Variants in RSPO2 observed in about 807,000 individuals in gnomAD.
The protein encoded by RSPO2 is R-spondin-2.
In RSPO2, 14 loss-of-function variants were observed where a neutral mutation model predicts 30.9. That is an observed-to-expected ratio of 0.45 (90% CI 0.30 to 0.71). RSPO2 has a LOEUF of 0.71. Among genes scored for constraint, RSPO2 ranks in the 30% least tolerant of loss-of-function variants. The pLI is 0.08. For synonymous variants in RSPO2, 107 were observed against 96.4 expected (o/e 1.11, Z -0.64); for missense variants, 264 against 301.9 (o/e 0.87, Z 0.93).
intron 2 of RSPO2, among the ~76,000 whole-genome samples, chr8:108,053,670 T>C (rs1218382370): frequency 1.3e-5 from 2 of 152,222 alleles, no homozygotes; most frequent in African/African-American, 4.8e-5. Flanking sequence ...CATGTAACTA[T>C]AAAAATGATT....
At chr8:107,942,013 T>A (rs1187395151) in intron 5 of RSPO2, among the ~76,000 whole-genome samples, 1 of 152,166 alleles carries the variant, frequency 6.6e-6, no homozygotes. Context: ...AGAGGGGGGA[T>A]GTTCTGTGCC....
chr8:107,936,620 T>C (rs1193300447), intron 5 of RSPO2, among the ~76,000 whole-genome samples: 2 of 152,188 alleles, frequency 1.3e-5, no homozygotes, highest in Non-Finnish European at 2.9e-5. Flanking sequence ...CTCACCAGCA[T>C]CTGTTATTGT....
At chr8:107,968,318 A>G (rs1477602139) in intron 3 of RSPO2, among the ~76,000 whole-genome samples, 1 of 152,106 alleles carries the variant, frequency 6.6e-6, no homozygotes, top group Admixed American at 6.6e-5. Context: ...GAACTGGGGG[A>G]CATTATGTTA....
chr8:107,965,216 T>G (rs2130453982), intron 3 of RSPO2, among the ~76,000 whole-genome samples: 1 of 152,302 alleles, frequency 6.6e-6, no homozygotes, highest in African/African-American at 2.4e-5. Context: ...TCCTCAAAAA[T>G]GTAACCCACC....
intron 2 of RSPO2, among the ~76,000 whole-genome samples, chr8:108,003,301 ATATATATATATTTTTT>A (rs1815330275): frequency 8.1e-5 from 2 of 24,624 alleles, no homozygotes; most frequent in African/African-American, 3.0e-4. Context: ...ATATATATAT[ATATATATATATTTTTT>A]TTTTTTTTTT....
At chr8:107,989,728 A>T (rs1049965491) in intron 2 of RSPO2, among the ~76,000 whole-genome samples, 20 of 152,234 alleles carry the variant, frequency 1.3e-4, no homozygotes, top group African/African-American at 4.8e-4. Flanking sequence ...CAGAACACCA[A>T]GTCCACAAGG....
At chr8:107,967,754 A>T (rs574995895) in intron 3 of RSPO2, among the ~76,000 whole-genome samples, 3 of 152,276 alleles carry the variant, frequency 2.0e-5, no homozygotes, top group African/African-American at 7.2e-5. Context: ...AGAACAGGAC[A>T]CTTAGAATAA....
chr8:107,985,070 C>T (rs1373364243), intron 3 of RSPO2, among the ~76,000 whole-genome samples: 3 of 152,086 alleles, frequency 2.0e-5, no homozygotes, highest in African/African-American at 4.8e-5. Context: ...GGTAAACATC[C>T]TATAATGCCA....
intron 5 of RSPO2, among the ~76,000 whole-genome samples, chr8:107,916,460 G>T (rs1811986563): frequency 6.6e-6 from 1 of 152,176 alleles, no homozygotes; most frequent in African/African-American, 2.4e-5. Flanking sequence ...GAAAATAAAG[G>T]TTGCTAACAG....
chr8:107,989,072 A>G lies in RSPO2; in HGVS notation c.267T>C (p.Asp89=), dbSNP rs374497297. 3 of 1,608,014 alleles carry G rather than the reference A, an allele frequency of 1.9e-6. No individual in the cohort carries two copies. Among genetic ancestry groups the G allele is most frequent in the African/African-American group, 1.3e-5 (1 of 74,640 alleles). The change falls in exon 3 of 6, where the codon GAT becomes GAC. Residue 89 remains aspartate (D), a synonymous_variant. Coordinates refer to ENST00000276659, the MANE Select transcript of RSPO2 (RefSeq NM_178565.5). ...AATGCTCACTTGCACATCTGTTCAT[A>G]TCTGGGGCTCGGTGTCCATAGTACC... ...PSGYYGHRAP[D]MNRCARCRIE...
chr8:107,928,271 T>C (rs972683186), intron 5 of RSPO2, among the ~76,000 whole-genome samples: 1 of 152,204 alleles, frequency 6.6e-6, no homozygotes, highest in African/African-American at 2.4e-5. Flanking sequence ...TATTAGATCA[T>C]CCTTTACCCT....
intron 5 of RSPO2, among the ~76,000 whole-genome samples, chr8:107,956,579 G>C (rs998378015): frequency 6.6e-6 from 1 of 152,160 alleles, no homozygotes; most frequent in African/African-American, 2.4e-5. Context: ...ACTGTGGCTA[G>C]GTCAAAATAA....
At position 107,900,792 on chromosome 8, in the gene RSPO2, T is replaced by A. The variant is rs1396201266; in HGVS notation, c.*283A>T. The A allele has an allele frequency of 6.5e-6, 2 of 305,940 alleles. No individual in the cohort carries two copies. The highest frequency in any genetic ancestry group is 6.0e-6 in the Non-Finnish European group (1 of 167,084). The allele number at this position is 305,940 out of a possible 1,614,324, so 19.0% of individuals were successfully genotyped here. The stretch of plus-strand genomic sequence containing the variant: ...CGTCCTCCAGCGGTGTTCTGCAGCC[T>A]CACACCTCTAGCATGTCCATGGTGC... On this transcript the variant is annotated 3_prime_UTR_variant, in exon 6 of 6. Transcript: ENST00000276659.
At chr8:107,918,856 A>C (rs1255393304) in intron 5 of RSPO2, among the ~76,000 whole-genome samples, 1 of 152,126 alleles carries the variant, frequency 6.6e-6, no homozygotes, top group East Asian at 1.9e-4. Context: ...GAGAGAAAAA[A>C]ATATACTTCA....
chr8:107,923,606 G>C (rs575520414), intron 5 of RSPO2, among the ~76,000 whole-genome samples: 41 of 152,186 alleles, frequency 2.7e-4, no homozygotes, highest in Admixed American at 9.2e-4. Context: ...TCATCATAAA[G>C]ACACATGCAC....
chr8:107,947,036 C>T (rs76994093), intron 5 of RSPO2, among the ~76,000 whole-genome samples: 2 of 152,350 alleles, frequency 1.3e-5, no homozygotes, highest in Non-Finnish European at 2.9e-5. Flanking sequence ...AAATACATTG[C>T]TTCTCACTTC....
intron 2 of RSPO2, among the ~76,000 whole-genome samples, chr8:108,080,381 C>T (rs554666177): frequency 1.8e-4 from 27 of 152,106 alleles, no homozygotes; most frequent in Non-Finnish European, 1.8e-4. Context: ...TACCAATTTA[C>T]ACGTTCTTGA....
chr8:108,023,772 G>T (rs1443996813), intron 2 of RSPO2, among the ~76,000 whole-genome samples: 2 of 152,160 alleles, frequency 1.3e-5, no homozygotes. Flanking sequence ...GACAATAAAA[G>T]AGCAAGTATT....
intron 2 of RSPO2, 62 bp downstream of exon 2, chr8:108,082,483 G>GT: frequency 7.5e-7 from 1 of 1,329,612 alleles, no homozygotes; most frequent in Non-Finnish European, 1.1e-6. Context: ...CAGGGCGTGA[G>GT]TGAGCGCCTC....
Sources: allele counts gnomAD v4.1 joint callset (sites outside exome capture counted in the v4.1 genomes callset), GRCh38; gene constraint gnomAD v4.1.1; transcripts MANE v1.5; gene names NCBI Gene and HGNC (gene_info 2026-07-23, HGNC 2026-07-21).